MYF5: variants seen among roughly 807,000 people sequenced by gnomAD.
MYF5 encodes class C basic helix-loop-helix protein 2.
In MYF5, 20 loss-of-function variants were observed where a neutral mutation model predicts 22.3. That is an observed-to-expected ratio of 0.90 (90% CI 0.63 to 1.30). The LOEUF (loss-of-function observed/expected upper bound fraction) is 1.30, where lower values mean the gene tolerates loss of function less well. MYF5 is among the 50% of genes most tolerant of loss of function. MYF5 has a pLI of 0.00. For missense variants in MYF5, 348 were observed against 325.9 expected, an observed-to-expected ratio of 1.07 and a Z score of -0.52; for synonymous variants, 141 against 128.4, an observed-to-expected ratio of 1.10 and a Z score of -0.66.
At chr12:80,718,828 T>A (rs1565865120) in intron 2 of MYF5, 33 bp from the exon 3 acceptor site, 1 of 1,560,866 alleles carries the variant, frequency 6.4e-7, no homozygotes, top group Non-Finnish European at 8.8e-7. Context: ...TTGGGCTAAT[T>A]ATTTTTTAAT....
chr12:80,716,969 C>G lies in MYF5; in HGVS notation c.-95C>G, dbSNP rs1161359522. On this transcript the variant is annotated 5_prime_UTR_variant, in exon 1 of 3. Transcript: ENST00000228644. The stretch of plus-strand genomic sequence containing the variant: ...TACCGGAGCGACAGACTAGGGAGCT[C>G]CGCCCGGGATTTGCCCATCGGCGGA... 1 of 1,473,808 alleles carries G rather than the reference C, an allele frequency of 6.8e-7. No individual in the cohort carries two copies. The highest frequency in any genetic ancestry group is 9.1e-7 in the Non-Finnish European group (1 of 1,099,166). 91.3% of individuals were successfully genotyped at this position (1,473,808 alleles called of 1,614,324 possible).
chr12:80,717,183 A>G lies in MYF5; in HGVS notation c.120A>G (p.Gly40=), dbSNP rs769992448. ...TTGTGCCGCGAGTGGCTGCCTTCGG[A>G]GCGCACAAAGCAGAGCTGCAGGGCT... ...DEFVPRVAAF[G]AHKAELQGSD... The change falls in exon 1 of 3, where the codon GGA becomes GGG. Residue 40 remains glycine, a synonymous_variant. Transcript: ENST00000228644. 5.6e-6 allele frequency: 9 copies of G among 1,613,916 alleles called. No homozygotes were observed. The highest frequency in any genetic ancestry group is 7.6e-6 in the Non-Finnish European group (9 of 1,179,992).
In MYF5 at chr12:80,717,205, G is replaced by T; in HGVS notation, c.142G>T (p.Gly48Cys). The change falls in exon 1 of 3, where the codon GGC (glycine) becomes TGC (cysteine). Residue 48 changes from glycine (G) to cysteine (C), a missense_variant. Gly to Cys is a radical substitution (Grantham distance 159). Coordinates refer to ENST00000228644, the MANE Select transcript of MYF5 (RefSeq NM_005593.3). The part of the protein sequence containing the change: ...AFGAHKAELQ[G>C]SDEDEHVRAP... The stretch of plus-strand genomic sequence containing the variant: ...CGGAGCGCACAAAGCAGAGCTGCAG[G>T]GCTCAGATGAGGACGAGCACGTGCG... The T allele has an allele frequency of 1.2e-6, 2 of 1,614,068 alleles. No homozygotes were observed. Among genetic ancestry groups the T allele is most frequent in the Non-Finnish European group, 1.7e-6 (2 of 1,180,042 alleles).
In MYF5 at chr12:80,718,244, G is replaced by T. The variant is rs367776143; in HGVS notation, c.502-114G>T. 1.7e-4 allele frequency: 145 copies of T among 831,488 alleles called. 6 individuals carry two copies. The highest frequency in any genetic ancestry group is 8.7e-4 in the East Asian group (36 of 41,426). The allele number at this position is 831,488 out of a possible 1,614,324, so 51.5% of individuals were successfully genotyped here. A position where few individuals can be genotyped will look rare whatever the true frequency, so the allele number is the denominator to read the frequency against. ...GCCCTTCCTAAATCAAGGCAGTGAA[G>T]GTGATTGACAGTGTTCGGTTACAGA... On this transcript the variant is annotated intron_variant, in intron 1 of 2. Coordinates refer to ENST00000228644, the MANE Select transcript of MYF5 (RefSeq NM_005593.3).
At chr12:80,718,215 G>T in intron 1 of MYF5, 143 bp from the exon 2 acceptor site, 1 of 736,596 alleles carries the variant, frequency 1.4e-6, no homozygotes. Flanking sequence ...TTTGGAGAGG[G>T]CTAGCCCTTC....
chr12:80,718,768 A>G (rs546065836), intron 2 of MYF5, 93 bp from the exon 3 acceptor site: 3 of 1,105,218 alleles, frequency 2.7e-6, no homozygotes, highest in East Asian at 4.7e-5. Context: ...TCTGGGTGTC[A>G]GAGGAGCTGA....
rs760985757 is a variant in MYF5 at position 80,717,509 on chromosome 12, C to T, written c.446C>T (p.Pro149Leu). The stretch of plus-strand genomic sequence containing the variant: ...CAGGTGGAGAACTACTATAGCCTGC[C>T]GGGACAGAGCTGCTCGGAGCCCACC... ...REQVENYYSL[P>L]GQSCSEPTSP... is the part of the protein sequence containing the mutation. Residue 149 changes from proline (P) to leucine (L), a missense_variant, in exon 1 of 3, where the codon CCG (proline) becomes CTG (leucine). Coordinates refer to ENST00000228644, the MANE Select transcript of MYF5 (RefSeq NM_005593.3). 3 of 1,614,056 alleles carry T rather than the reference C, an allele frequency of 1.9e-6. No homozygotes were observed. The highest frequency in any genetic ancestry group is 1.1e-5 in the South Asian group (1 of 91,074).
chr12:80,718,748 C>G (rs1868671614), intron 2 of MYF5, 113 bp from the exon 3 acceptor site: 1 of 908,416 alleles, frequency 1.1e-6, no homozygotes, highest in African/African-American at 1.7e-5. Context: ...CTTTCTGTGA[C>G]CACCTGACCT....
chr12:80,717,592 G>T, intron 1 of MYF5, 28 bp downstream of exon 1: 21 of 1,602,972 alleles, frequency 1.3e-5, no homozygotes, highest in Non-Finnish European at 1.8e-5. Context: ...TACCTGCTAG[G>T]CTACCCTAAT....
At position 80,717,186 on chromosome 12, in the gene MYF5, G is replaced by A. The variant is rs1308803579; in HGVS notation, c.123G>A (p.Ala41=). ...EFVPRVAAFG[A]HKAELQGSDE... Reference sequence around the variant, plus strand: ...TGCCGCGAGTGGCTGCCTTCGGAGCGCACAAAGCAGAGCTGCAGGGCTCAG... The same window carrying A: ...TGCCGCGAGTGGCTGCCTTCGGAGCACACAAAGCAGAGCTGCAGGGCTCAG... Residue 41 remains alanine, a synonymous_variant, in exon 1 of 3, where the codon GCG becomes GCA. Transcript: ENST00000228644. 2 of 1,613,906 alleles carry A rather than the reference G, an allele frequency of 1.2e-6. No individual in the cohort carries two copies. Among genetic ancestry groups the A allele is most frequent in the Non-Finnish European group, 1.7e-6 (2 of 1,179,988 alleles).
At chr12:80,718,564 G>T (rs896967681) in intron 2 of MYF5, 131 bp downstream of exon 2, 135 of 861,234 alleles carry the variant, frequency 1.6e-4, no homozygotes, top group Non-Finnish European at 2.4e-4. Flanking sequence ...GGAGGCTTTG[G>T]TAAAGCAAAA....
Position 80,717,654 on chromosome 12 carries a change from G to A in MYF5, c.501+90G>A, listed in dbSNP as rs1868642911. ...TAACCTGGTGTGGTGGGGAGAGTGG[G>A]GTGGAGGCAGATGCTGAGTTGCTTT... On this transcript the variant is annotated intron_variant, in intron 1 of 2. Coordinates refer to ENST00000228644, the MANE Select transcript of MYF5 (RefSeq NM_005593.3). The A allele has an allele frequency of 1.0e-5, 15 of 1,468,518 alleles. No homozygotes were observed. In the South Asian group the frequency reaches 1.6e-4, roughly 16 times the overall value. The allele number at this position is 1,468,518 out of a possible 1,614,324, so 91.0% of individuals were successfully genotyped here.
chr12:80,718,484 TTCAGCC>T, intron 2 of MYF5, 51 bp downstream of exon 2: 1 of 1,410,588 alleles, frequency 7.1e-7, no homozygotes, highest in South Asian at 1.2e-5. Flanking sequence ...AACCTAACAA[TTCAGCC>T]TATAAGATTC....
rs542157373 is a variant in MYF5, at chr12:80,718,324, G to A, written c.502-34G>A. 5.6e-6 allele frequency: 9 copies of A among 1,598,156 alleles called. No individual in the cohort carries two copies. In the African/African-American group the frequency reaches 8.0e-5, roughly 14 times the overall value. On this transcript the variant is annotated intron_variant, in intron 1 of 2. Coordinates refer to ENST00000228644, the MANE Select transcript of MYF5 (RefSeq NM_005593.3). ...GTCAGAACATCTTTTGCCAAGACCTGAAAACAAACTTTGTTGTGTGTCTTG... is the reference window on the plus strand; with the variant it reads ...GTCAGAACATCTTTTGCCAAGACCTAAAAACAAACTTTGTTGTGTGTCTTG...
At position 80,719,077 on chromosome 12, in the gene MYF5, C is replaced by T; in HGVS notation, c.*26C>T. 1.3e-6 allele frequency: 2 copies of T among 1,599,456 alleles called. No individual in the cohort carries two copies. The highest frequency in any genetic ancestry group is 1.1e-5 in the South Asian group (1 of 89,972). ...ACTAATTTTCTGGTCTATATGACTTCTTCCAGGAGGGCCTAATACACAGGA... is the reference window on the plus strand; with the variant it reads ...ACTAATTTTCTGGTCTATATGACTTTTTCCAGGAGGGCCTAATACACAGGA... On this transcript the variant is annotated 3_prime_UTR_variant, in exon 3 of 3. Transcript: ENST00000228644.
rs1489638632 is a variant in MYF5, at chr12:80,719,635, A to G, written c.*584A>G. ...CATTTCAAGATATAAGAAATTTTGG[A>G]AATTCCACCATAAATAAAATTTTTT... On this transcript the variant is annotated 3_prime_UTR_variant, in exon 3 of 3. Transcript: ENST00000228644. 1 of 152,140 alleles carries G rather than the reference A, an allele frequency of 6.6e-6. No individual in the cohort carries two copies. Among genetic ancestry groups the G allele is most frequent in the African/African-American group, 2.4e-5 (1 of 41,446 alleles). The allele number at this position is 152,140 out of a possible 1,614,324, so 9.4% of individuals were successfully genotyped here.
At position 80,717,076 on chromosome 12, in the gene MYF5, G is replaced by T; in HGVS notation, c.13G>T (p.Asp5Tyr). MDVM[D>Y]GCQFSPSEYF... Reference sequence around the variant, plus strand: ...GCCTCTCAGCAGGATGGACGTGATGGATGGCTGCCAGTTCTCACCTTCTGA... The same window carrying T: ...GCCTCTCAGCAGGATGGACGTGATGTATGGCTGCCAGTTCTCACCTTCTGA... Residue 5 changes from aspartate (D) to tyrosine (Y), a missense_variant, in exon 1 of 3, where the codon GAT becomes TAT. Transcript: ENST00000228644. 1 of 1,603,392 alleles carries T rather than the reference G, an allele frequency of 6.2e-7. No individual in the cohort carries two copies. Among genetic ancestry groups the T allele is most frequent in the Non-Finnish European group, 8.5e-7 (1 of 1,177,116 alleles).
rs1364982782 is a variant in MYF5 at position 80,717,498 on chromosome 12, C to T, written c.435C>T (p.Tyr145=). ...TGCTGAGAGAGCAGGTGGAGAACTACTATAGCCTGCCGGGACAGAGCTGCT... is the reference window on the plus strand; with the variant it reads ...TGCTGAGAGAGCAGGTGGAGAACTATTATAGCCTGCCGGGACAGAGCTGCT... ...QELLREQVEN[Y]YSLPGQSCSE... Residue 145 remains tyrosine, a synonymous_variant, in exon 1 of 3, where the codon TAC becomes TAT. Transcript: ENST00000228644. The T allele has an allele frequency of 1.2e-6, 2 of 1,614,064 alleles. No homozygotes were observed. Among genetic ancestry groups the T allele is most frequent in the Non-Finnish European group, 1.7e-6 (2 of 1,180,042 alleles).
Position 80,719,561 on chromosome 12 carries a change from G to T in MYF5, c.*510G>T, listed in dbSNP as rs1041888731. 4.0e-5 allele frequency: 6 copies of T among 151,758 alleles called. No homozygotes were observed. Among genetic ancestry groups the T allele is most frequent in the African/African-American group, 1.4e-4 (6 of 41,426 alleles). The allele number at this position is 151,758 out of a possible 1,614,324, so 9.4% of individuals were successfully genotyped here. ...AATGTATATATTTTGATCTTTTCTT[G>T]TAAGAAATGTATCTTTTAAATGTAA... On this transcript the variant is annotated 3_prime_UTR_variant, in exon 3 of 3. Coordinates refer to ENST00000228644, the MANE Select transcript of MYF5 (RefSeq NM_005593.3).
Sources: gnomAD v4.1 joint callset for allele counts on GRCh38, gnomAD v4.1.1 for gene constraint, MANE v1.5 for transcripts, NCBI Gene and HGNC (gene_info 2026-07-23, HGNC 2026-07-21) for gene names.